Variants in LINGO1 observed in about 807,000 individuals in gnomAD.
The protein encoded by LINGO1 is leucine rich repeat and Ig domain containing 1, also known as leucine-rich repeat and immunoglobulin-like domain-containing nogo receptor-interacting protein 1.
Under a neutral mutation model 37.3 loss-of-function variants are expected in LINGO1, and 11 were observed. The observed-to-expected ratio is 0.29, with a 90% CI of 0.19 to 0.49. The LOEUF (loss-of-function observed/expected upper bound fraction) is 0.49. LINGO1 is among the 20% of genes least tolerant of loss of function. The probability of loss-of-function intolerance (pLI) is 0.99; values close to 1 mark genes in which losing one functional copy is unlikely to be tolerated. For missense variants in LINGO1, 585 were observed against 878.2 expected, an observed-to-expected ratio of 0.67 and a Z score of 4.22; for synonymous variants, 387 against 403.0, an observed-to-expected ratio of 0.96 and a Z score of 0.48.
At chr15:77,730,566 A>G (rs1475600285) in intron 2 of LINGO1, among the ~76,000 whole-genome samples, 1 of 152,122 alleles carries the variant, frequency 6.6e-6, no homozygotes, top group East Asian at 1.9e-4. Flanking sequence ...CTGTCCCTCT[A>G]TATCCAGACT....
chr15:77,748,795 C>G (rs2076340109), intron 1 of LINGO1, among the ~76,000 whole-genome samples: 1 of 151,964 alleles, frequency 6.6e-6, no homozygotes, highest in Non-Finnish European at 1.5e-5. Context: ...GCAATCCTCC[C>G]ACCTCAGCCT....
At chr15:77,626,216 A>G (rs1336395839) in intron 1 of LINGO1, among the ~76,000 whole-genome samples, 1 of 152,060 alleles carries the variant, frequency 6.6e-6, no homozygotes, top group Non-Finnish European at 1.5e-5. Context: ...TCTCCCCAAC[A>G]TCATACAAGG....
At chr15:77,731,440 T>C (rs1280545119) in intron 2 of LINGO1, among the ~76,000 whole-genome samples, 1 of 152,194 alleles carries the variant, frequency 6.6e-6, no homozygotes, top group African/African-American at 2.4e-5. Context: ...CTCAGCCCCT[T>C]CAGGGCACAG....
At chr15:77,781,285 G>A (rs2076714392) in intron 1 of LINGO1, among the ~76,000 whole-genome samples, 1 of 152,136 alleles carries the variant, frequency 6.6e-6, no homozygotes, top group Non-Finnish European at 1.5e-5. Context: ...AGGTAACTCA[G>A]CCAGGCCGGA....
intron 1 of LINGO1, among the ~76,000 whole-genome samples, chr15:77,798,089 C>A (rs2076887983): frequency 6.6e-6 from 1 of 152,204 alleles, no homozygotes; most frequent in Non-Finnish European, 1.5e-5. Flanking sequence ...GGTTCACCAG[C>A]CCCAAACTAG....
chr15:77,680,821 G>A (rs1421088312), intron 2 of LINGO1, among the ~76,000 whole-genome samples: 2 of 152,122 alleles, frequency 1.3e-5, no homozygotes, highest in African/African-American at 4.8e-5. Context: ...ACTCCCGCAG[G>A]GCCTTGGAGT....
chr15:77,659,851 G>A (rs1225354746), intron 3 of LINGO1, among the ~76,000 whole-genome samples: 1 of 151,322 alleles, frequency 6.6e-6, no homozygotes, highest in Non-Finnish European at 1.5e-5. Context: ...AGAGGCTGGG[G>A]TGGGGTGGGG....
intron 3 of LINGO1, among the ~76,000 whole-genome samples, chr15:77,668,449 C>CA (rs1489740579): frequency 6.6e-6 from 1 of 152,162 alleles, no homozygotes; most frequent in Admixed American, 6.5e-5. Flanking sequence ...CATGTAATGC[C>CA]AGTCACAGGC....
intron 1 of LINGO1, among the ~76,000 whole-genome samples, chr15:77,818,114 C>T (rs1467054765): frequency 3.3e-5 from 5 of 152,176 alleles, no homozygotes; most frequent in South Asian, 2.1e-4. Flanking sequence ...CCAGCAGTTA[C>T]AACCCCAGGG....
Position 77,614,905 on chromosome 15 carries a change from G to A in LINGO1, c.1002C>T (p.Leu334=), listed in dbSNP as rs2073647702. Residue 334 remains leucine (L), a synonymous_variant, in exon 2 of 2, where the codon CTC becomes CTT. Coordinates refer to ENST00000355300, the MANE Select transcript of LINGO1 (RefSeq NM_032808.7). ...AVVEPYAFRG[L]NYLRVLNVSG... ...AGACATTGAGCACGCGCAGGTAGTT[G>A]AGGCCGCGGAAGGCATAGGGCTCCA... 2 of 1,613,854 alleles carry A rather than the reference G, an allele frequency of 1.2e-6. No homozygotes were observed.
Position 77,704,405 on chromosome 15 carries a change from A to G in LINGO1, c.-194-13504T>C, listed in dbSNP as rs1205339326. Among the ~76,000 whole-genome samples the G allele has an allele frequency of 6.5e-4, 98 of 149,990 alleles. 2 individuals are homozygous for G. Among genetic ancestry groups the G allele is most frequent in the African/African-American group, 2.4e-3 (94 of 39,948 alleles). ...GAACCCCGACCCTGATCACAGATTGAACCCCAACCCTGGCCACACACTGAA... is the reference window on the plus strand; with the variant it reads ...GAACCCCGACCCTGATCACAGATTGGACCCCAACCCTGGCCACACACTGAA... On this transcript the variant is annotated intron_variant, in intron 2 of 3. Coordinates refer to the LINGO1 transcript ENST00000561686.
At chr15:77,720,634 G>A (rs1266156506) in intron 2 of LINGO1, 1 of 152,108 alleles carries the variant, frequency 6.6e-6, no homozygotes, top group Non-Finnish European at 1.5e-5. Flanking sequence ...ATACTTTTCA[G>A]ACTAAAGATG....
intron 2 of LINGO1, among the ~76,000 whole-genome samples, chr15:77,716,483 T>C (rs1335133272): frequency 6.7e-6 from 1 of 149,142 alleles, no homozygotes; most frequent in Non-Finnish European, 1.5e-5. Context: ...TCAAGAGTCA[T>C]CCTAGGTGTA....
intron 2 of LINGO1, among the ~76,000 whole-genome samples, chr15:77,684,847 C>T (rs2075476798): frequency 6.6e-6 from 1 of 152,186 alleles, no homozygotes; most frequent in Non-Finnish European, 1.5e-5. Context: ...AGAGACTCCC[C>T]TGCCCTCCAT....
At chr15:77,791,378 G>A (rs1414885110), upstream of LINGO1, among the ~76,000 whole-genome samples, 3 of 53,154 alleles carry the variant, frequency 5.6e-5, no homozygotes, top group African/African-American at 8.0e-5. Context: ...CAAAGAGGCC[G>A]AGGGAGGCGG....
chr15:77,794,287 TATGTATGTATATATATAC>T (rs1567587821), intron 2 of LINGO1, among the ~76,000 whole-genome samples: 7,550 of 104,884 alleles, frequency 0.072, 1,893 homozygotes, highest in Admixed American at 0.19. Context: ...CATATATATA[TATGTATGTATATATATAC>T]ATATATGTGT....
At chr15:77,691,929 T>C (rs1183329016) in intron 1 of LINGO1, among the ~76,000 whole-genome samples, 2 of 152,152 alleles carry the variant, frequency 1.3e-5, no homozygotes, top group East Asian at 3.9e-4. Flanking sequence ...CGCTGCGGCA[T>C]CACAGGGTCC....
chr15:77,749,483 A>C (rs960546894), intron 1 of LINGO1, among the ~76,000 whole-genome samples: 1 of 152,240 alleles, frequency 6.6e-6, no homozygotes, highest in South Asian at 2.1e-4. Context: ...AAGAAAACAA[A>C]AGAGACTCAG....
At chr15:77,809,791 A>G (rs960718215) in intron 1 of LINGO1, among the ~76,000 whole-genome samples, 4 of 152,204 alleles carry the variant, frequency 2.6e-5, no homozygotes, top group African/African-American at 7.2e-5. Context: ...TTTGCCAGGG[A>G]AGAAACATTT....
Sources: gnomAD v4.1 joint callset for allele counts (sites outside exome capture counted in the v4.1 genomes callset) on GRCh38, gnomAD v4.1.1 for gene constraint, MANE v1.5 for transcripts, NCBI Gene and HGNC (gene_info 2026-07-23, HGNC 2026-07-21) for gene names.